PDXDC1: variants seen among roughly 807,000 people sequenced by gnomAD.
PDXDC1 encodes the protein pyridoxal dependent decarboxylase domain containing 1.
Under a neutral mutation model 100.1 loss-of-function variants are expected in PDXDC1, and 42 were observed. That is an observed-to-expected ratio of 0.42 (90% CI 0.33 to 0.54). PDXDC1 has a LOEUF of 0.54. PDXDC1 is among the 20% of genes least tolerant of loss of function. The pLI, the probability that PDXDC1 is intolerant of heterozygous loss-of-function variation, is 0.10. For missense variants in PDXDC1, 636 were observed against 979.2 expected (o/e 0.65, Z 4.68); for synonymous variants, 260 against 371.7 (o/e 0.70, Z 3.46).
At chr16:15,045,279 T>C (rs2044007745) in intron 16 of PDXDC1, 1 of 150,644 alleles carries the variant, frequency 6.6e-6, no homozygotes, top group Non-Finnish European at 1.5e-5. Context: ...CTCTGGGCAA[T>C]CGAGCAAGAC....
At chr16:15,078,365 T>A (rs929551238) in intron 16 of PDXDC1, among the ~76,000 whole-genome samples, 1 of 151,926 alleles carries the variant, frequency 6.6e-6, no homozygotes, top group Non-Finnish European at 1.5e-5. Flanking sequence ...CCCTGCTCCA[T>A]CCCCTCCTTC....
At chr16:15,124,270 TA>T (rs1459713423) in intron 16 of PDXDC1, among the ~76,000 whole-genome samples, 3 of 152,194 alleles carry the variant, frequency 2.0e-5, no homozygotes, top group African/African-American at 7.2e-5. Flanking sequence ...TGTCCTCAGC[TA>T]AACTTCCCAC....
chr16:14,988,289 G>C, intron 1 of PDXDC1: 2 of 1,613,604 alleles, frequency 1.2e-6, no homozygotes, highest in Non-Finnish European at 8.5e-7. Flanking sequence ...TACTCCTGCA[G>C]AGGGGCTTGG....
chr16:15,122,834 A>G (rs1179356088), intron 16 of PDXDC1, among the ~76,000 whole-genome samples: 1 of 27,572 alleles, frequency 3.6e-5, no homozygotes, highest in African/African-American at 1.5e-4. Context: ...GGGGAGGGGA[A>G]GGGGAGGGGA....
intron 3 of PDXDC1, among the ~76,000 whole-genome samples, chr16:15,000,705 T>C (rs1417718024): frequency 3.3e-5 from 5 of 152,270 alleles, no homozygotes; most frequent in African/African-American, 1.2e-4. Flanking sequence ...AGAAGTAAAA[T>C]GTTTTTATAC....
chr16:14,983,572 C>CA (rs56258905), intron 1 of PDXDC1, among the ~76,000 whole-genome samples: 2,776 of 88,530 alleles, frequency 0.031, 77 homozygotes, highest in African/African-American at 0.086. Context: ...GACTCCGTCT[C>CA]AAAAAAAAAA....
At chr16:15,026,126 A>T (rs2042582532) in intron 13 of PDXDC1, 1 of 155,556 alleles carries the variant, frequency 6.4e-6, no homozygotes, top group South Asian at 2.1e-4. Flanking sequence ...CTAGTTGGCC[A>T]GGCACGGTGT....
chr16:15,136,093 C>A lies in PDXDC1; in HGVS notation c.1400-2786C>A. ...CTGCGGCGCTGGGCCCACCTCCACC[C>A]GCTGCACAGTCGAGAAGCCGATCCA... On this transcript the variant is annotated intron_variant, in intron 16 of 16. Transcript: ENST00000535621. 5 of 1,582,088 alleles carry A rather than the reference C, an allele frequency of 3.2e-6. No homozygotes were observed. In the South Asian group the frequency reaches 3.3e-5, roughly 11 times the overall value.
chr16:15,039,233 T>C (rs2043693290), downstream of PDXDC1, among the ~76,000 whole-genome samples: 2 of 152,192 alleles, frequency 1.3e-5, no homozygotes, highest in Admixed American at 1.3e-4. Context: ...CACTGAAATA[T>C]GTTCTGAATA....
At position 15,130,972 on chromosome 16, in the gene PDXDC1, G is replaced by A. The variant is rs2048023524; in HGVS notation, c.1400-7907G>A. On this transcript the variant is annotated intron_variant, in intron 16 of 16. Coordinates refer to the PDXDC1 transcript ENST00000535621. ...CTCCTCTCCGGCCAGGCCCCCAGCA[G>A]CCCATGAAACAGAAAGCAAATTTCA... 4 of 779,404 alleles carry A rather than the reference G, an allele frequency of 5.1e-6. No homozygotes were observed. The Admixed American group carries it at 6.3e-5, about 12-fold the overall frequency. 48.3% of individuals were successfully genotyped at this position (779,404 alleles called of 1,614,324 possible). A position where few individuals can be genotyped will look rare whatever the true frequency, so the allele number is the denominator to read the frequency against.
intron 1 of PDXDC1, among the ~76,000 whole-genome samples, chr16:14,979,953 G>A (rs1967584007): frequency 6.6e-6 from 1 of 152,298 alleles, no homozygotes; most frequent in Non-Finnish European, 1.5e-5. Flanking sequence ...GAGAGGAGAT[G>A]AGAGGCTGTA....
At chr16:15,033,524 C>T in intron 19 of PDXDC1, 125 bp downstream of exon 19, 1 of 1,131,558 alleles carries the variant, frequency 8.8e-7, no homozygotes, top group South Asian at 1.4e-5. Flanking sequence ...GTCAATGTTT[C>T]CTGTAAGCTG....
intron 16 of PDXDC1, among the ~76,000 whole-genome samples, chr16:15,030,924 TA>T (rs1010383875): frequency 1.8e-4 from 28 of 151,840 alleles, no homozygotes; most frequent in African/African-American, 6.8e-4. Context: ...CCAGAGATTC[TA>T]GAATGGAGCC....
At chr16:15,076,338 A>G in intron 16 of PDXDC1, 3 of 601,108 alleles carry the variant, frequency 5.0e-6, no homozygotes, top group Non-Finnish European at 8.9e-6. Context: ...ACAAAAGTGA[A>G]ACATACTTCA....
intron 16 of PDXDC1, chr16:15,080,155 G>A: frequency 6.6e-7 from 1 of 1,521,102 alleles, no homozygotes. Flanking sequence ...TCACAGTTAT[G>A]TAAGCAAAAC....
chr16:15,007,252 G>T (rs2151414474), intron 6 of PDXDC1, among the ~76,000 whole-genome samples: 1 of 137,798 alleles, frequency 7.3e-6, no homozygotes, highest in Admixed American at 8.4e-5. Context: ...CTCACTGCAA[G>T]CTCCGCCTCC....
chr16:15,000,867 TTATAC>T (rs1439121002), intron 3 of PDXDC1, among the ~76,000 whole-genome samples: 1 of 150,378 alleles, frequency 6.6e-6, no homozygotes. Context: ...CTGTCTAGCA[TTATAC>T]TATACTAAGG....
intron 16 of PDXDC1, among the ~76,000 whole-genome samples, chr16:15,055,004 T>C (rs1187484518): frequency 6.6e-6 from 1 of 152,158 alleles, no homozygotes; most frequent in Non-Finnish European, 1.5e-5. Context: ...ATCTGAGCCT[T>C]CTTCATCAGA....
intron 1 of PDXDC1, among the ~76,000 whole-genome samples, chr16:14,978,576 C>T (rs4985128): frequency 0.25 from 36,681 of 145,904 alleles, 1,920 homozygotes; most frequent in East Asian, 0.44. Context: ...TTTTTTTGTT[C>T]TCGAGACAAG....
Sources: gnomAD v4.1 joint callset for allele counts (sites outside exome capture counted in the v4.1 genomes callset) on GRCh38, gnomAD v4.1.1 for gene constraint, MANE v1.5 for transcripts, NCBI Gene and HGNC (gene_info 2026-07-23, HGNC 2026-07-21) for gene names.